CADPS: variants seen among roughly 807,000 people sequenced by gnomAD.
CADPS encodes the protein calcium dependent secretion activator, also known as calcium-dependent secretion activator 1.
CADPS carries 57 observed loss-of-function variants against 167.3 expected under a neutral mutation model. That is an observed-to-expected ratio of 0.34 (90% CI 0.28 to 0.42). CADPS has a LOEUF of 0.42. CADPS is among the 20% of genes least tolerant of loss of function. CADPS has a pLI of 1.00. For missense variants in CADPS, 1,414 were observed against 1,738.1 expected, an observed-to-expected ratio of 0.81 and a Z score of 3.32; for synonymous variants, 676 against 635.3, an observed-to-expected ratio of 1.06 and a Z score of -0.96.
intron 1 of CADPS, among the ~76,000 whole-genome samples, chr3:62,768,821 G>A (rs1307193256): frequency 6.6e-6 from 1 of 152,154 alleles, no homozygotes; most frequent in Non-Finnish European, 1.5e-5. Flanking sequence ...AGGAACTTCA[G>A]GAACATTAAT....
In CADPS at chr3:62,544,034, T is replaced by G. The variant is rs2076100932; in HGVS notation, c.1966+5869A>C. ...TCTTGGGGGAGTAGCAGAATGACAT[T>G]TGATACCAGAGGTTAAATGTCAACC... On this transcript the variant is annotated intron_variant, in intron 11 of 29. Transcript: ENST00000383710. The surrounding 1 kb of genome is among the most constrained non-coding windows in gnomAD (Gnocchi z 4.4). Among the ~76,000 whole-genome samples, 1 of 152,048 alleles carries G rather than the reference T, an allele frequency of 6.6e-6. No homozygotes were observed. Among genetic ancestry groups the G allele is most frequent in the Non-Finnish European group, 1.5e-5 (1 of 67,980 alleles).
At chr3:62,529,694 G>A (rs1402951348) in intron 13 of CADPS, among the ~76,000 whole-genome samples, 1 of 152,184 alleles carries the variant, frequency 6.6e-6, no homozygotes, top group African/African-American at 2.4e-5. Flanking sequence ...TTGACAGCCT[G>A]CCACATTCTC....
chr3:62,504,809 A>T (rs551516875), intron 17 of CADPS, among the ~76,000 whole-genome samples: 10 of 152,254 alleles, frequency 6.6e-5, no homozygotes, highest in African/African-American at 2.4e-4. Context: ...ACAAAAAGAG[A>T]ATTCCGCAGC....
chr3:62,834,698 A>C lies in CADPS; in HGVS notation c.441+39891T>G, dbSNP rs549417958. Among the ~76,000 whole-genome samples, 61 of 152,330 alleles carry C rather than the reference A, an allele frequency of 4.0e-4. 1 individual carries two copies. The highest frequency in any genetic ancestry group is 6.5e-4 in the Admixed American group (10 of 15,300). On this transcript the variant is annotated intron_variant, in intron 1 of 29. Coordinates refer to ENST00000383710, the MANE Select transcript of CADPS (RefSeq NM_003716.4). The stretch of plus-strand genomic sequence containing the variant: ...CCTAGTCCAGGCTCACCAAGTATTC[A>C]GTAGTATAAGTATTATTATCATTAT...
intron 28 of CADPS, among the ~76,000 whole-genome samples, chr3:62,409,033 G>A (rs146803669): frequency 4.7e-4 from 71 of 152,330 alleles, no homozygotes; most frequent in African/African-American, 1.7e-3. Context: ...CCCTTATAAT[G>A]TTCAGGCACT....
intron 1 of CADPS, among the ~76,000 whole-genome samples, chr3:62,780,621 T>C (rs1162372005): frequency 1.3e-5 from 2 of 152,194 alleles, no homozygotes; most frequent in Non-Finnish European, 2.9e-5. Context: ...ACTTGTAGAA[T>C]ACTGATAAGT....
intron 3 of CADPS, among the ~76,000 whole-genome samples, chr3:62,702,978 G>A (rs1253564124): frequency 1.3e-5 from 2 of 152,094 alleles, no homozygotes; most frequent in Admixed American, 6.6e-5. Context: ...TCTTGCCCAG[G>A]ATGACATAGC....
chr3:62,500,837 T>C (rs1227664475), intron 17 of CADPS, among the ~76,000 whole-genome samples: 1 of 152,208 alleles, frequency 6.6e-6, no homozygotes, highest in African/African-American at 2.4e-5. Context: ...TATTCTTTTA[T>C]GCATTTCTTA....
intron 28 of CADPS, among the ~76,000 whole-genome samples, chr3:62,424,715 G>A (rs1245310661): frequency 2.0e-5 from 3 of 152,282 alleles, no homozygotes; most frequent in East Asian, 1.9e-4. Flanking sequence ...GGGCCAAAGC[G>A]ATTCATTACC....
chr3:62,783,316 T>A (rs569190810), intron 1 of CADPS, among the ~76,000 whole-genome samples: 2 of 152,176 alleles, frequency 1.3e-5, no homozygotes, highest in African/African-American at 4.8e-5. Flanking sequence ...AGAACTGCTA[T>A]TGTTTCCTTC....
chr3:62,411,766 G>C (rs1213544676), intron 28 of CADPS, among the ~76,000 whole-genome samples: 3 of 152,294 alleles, frequency 2.0e-5, no homozygotes, highest in Non-Finnish European at 4.4e-5. Context: ...ATGCCAAGTG[G>C]GCAAAGCACT....
Position 62,580,234 on chromosome 3 carries a change from C to T in CADPS, c.1577+4951G>A, listed in dbSNP as rs572141261. ...GGATTAAGAAAATGTGGCACATATA[C>T]ACCATGGAATACTATGCAGCCATAA... On this transcript the variant is annotated intron_variant, in intron 8 of 29. Coordinates refer to ENST00000383710, the MANE Select transcript of CADPS (RefSeq NM_003716.4). Among the ~76,000 whole-genome samples the T allele has an allele frequency of 2.5e-3, 374 of 152,326 alleles. 3 individuals carry two copies. Among genetic ancestry groups the T allele is most frequent in the African/African-American group, 8.5e-3 (355 of 41,570 alleles).
intron 13 of CADPS, among the ~76,000 whole-genome samples, chr3:62,525,476 G>C (rs1304829869): frequency 1.3e-5 from 2 of 152,142 alleles, no homozygotes; most frequent in African/African-American, 2.4e-5. Context: ...ACATGCTCAT[G>C]TTCACAAGTG....
chr3:62,636,073 C>A (rs1460930782), intron 6 of CADPS, among the ~76,000 whole-genome samples: 2 of 151,962 alleles, frequency 1.3e-5, no homozygotes, highest in Admixed American at 6.5e-5. Flanking sequence ...TACCCTGGGT[C>A]CACTGACAGC....
intron 24 of CADPS, chr3:62,470,567 G>A (rs1259065733): frequency 6.6e-6 from 1 of 152,200 alleles, no homozygotes; most frequent in African/African-American, 2.4e-5. Context: ...CACTGTGCTA[G>A]ACCACTTAGA....
intron 1 of CADPS, among the ~76,000 whole-genome samples, chr3:62,847,225 C>T (rs2077610423): frequency 6.6e-6 from 1 of 150,938 alleles, no homozygotes; most frequent in Non-Finnish European, 1.5e-5. Flanking sequence ...ATGTTCTTAC[C>T]CGCCACCTCC....
At chr3:62,754,452 T>G (rs2083406108) in intron 2 of CADPS, among the ~76,000 whole-genome samples, 2 of 152,112 alleles carry the variant, frequency 1.3e-5, no homozygotes, top group Non-Finnish European at 2.9e-5. Flanking sequence ...CCTCCAAAAG[T>G]GCTGGGATTA....
intron 3 of CADPS, among the ~76,000 whole-genome samples, chr3:62,739,392 T>G (rs1237851336): frequency 2.0e-5 from 3 of 152,256 alleles, no homozygotes; most frequent in Non-Finnish European, 4.4e-5. Context: ...ATGTATAGGC[T>G]TGTTAGCAAT....
At chr3:62,758,498 TG>T (rs1408467432) in intron 2 of CADPS, among the ~76,000 whole-genome samples, 2 of 152,232 alleles carry the variant, frequency 1.3e-5, no homozygotes, top group Non-Finnish European at 2.9e-5. Context: ...AAGTGGGGCC[TG>T]GGCCAGCCTC....
Sources: allele counts gnomAD v4.1 joint callset (sites outside exome capture counted in the v4.1 genomes callset), GRCh38; gene constraint gnomAD v4.1.1; non-coding constraint Gnocchi (gnomAD v3.1); transcripts MANE v1.5; gene names NCBI Gene and HGNC (gene_info 2026-07-23, HGNC 2026-07-21).